CLCN2: variants seen among roughly 807,000 people sequenced by gnomAD.
CLCN2 encodes chloride voltage-gated channel 2.
In CLCN2, 72 loss-of-function variants were observed where a neutral mutation model predicts 108.3. That is an observed-to-expected ratio of 0.66 (90% CI 0.55 to 0.81). The LOEUF is 0.81. Ranked by LOEUF, CLCN2 falls within the 30% of genes least tolerant of loss-of-function variation. The pLI is 0.00. For synonymous variants in CLCN2, 471 were observed against 467.1 expected, an observed-to-expected ratio of 1.01 and a Z score of -0.11; for missense variants, 1,048 against 1,205.2, an observed-to-expected ratio of 0.87 and a Z score of 1.93.
rs559939332 is a variant in CLCN2 at position 184,349,201 on chromosome 3, A to C, written c.2416-2180T>G. 6.9e-4 allele frequency: 105 copies of C among 152,134 alleles called. 1 individual carries two copies. The highest frequency in any genetic ancestry group is 2.3e-3 in the African/African-American group (97 of 41,494). 9.4% of individuals were successfully genotyped at this position (152,134 alleles called of 1,614,324 possible). On this transcript the variant is annotated intron_variant, in intron 22 of 23. Transcript: ENST00000265593. Reference sequence around the variant, plus strand: ...TAAACAATTTTTTTTAGTTAAAAAAATTTTCTGGGCCGGGCGCAGTGGCTC... The same window carrying C: ...TAAACAATTTTTTTTAGTTAAAAAACTTTTCTGGGCCGGGCGCAGTGGCTC...
At chr3:184,352,563 G>T in intron 19 of CLCN2, 67 bp from the exon 20 acceptor site, 1 of 1,545,436 alleles carries the variant, frequency 6.5e-7, no homozygotes, top group East Asian at 2.3e-5. Context: ...GGGAGGTGAG[G>T]GGAAGTGGTG....
chr3:184,354,413 T>C (rs1415075775), intron 14 of CLCN2, 99 bp from the exon 15 acceptor site: 1 of 1,364,828 alleles, frequency 7.3e-7, no homozygotes, highest in Non-Finnish European at 1.0e-6. Context: ...GGCTGCCCAA[T>C]ACAGTCCTGG....
At chr3:184,358,617 G>A (rs1711582045) in intron 3 of CLCN2, 65 bp downstream of exon 3, 9 of 1,542,078 alleles carry the variant, frequency 5.8e-6, no homozygotes, top group Admixed American at 2.0e-5. Context: ...TCCATGTCTA[G>A]ACGAGTGTGG....
chr3:184,357,924 A>C, intron 5 of CLCN2, 38 bp downstream of exon 5: 2 of 1,613,730 alleles, frequency 1.2e-6, no homozygotes, highest in Non-Finnish European at 1.7e-6. Context: ...CTCCTCTTCC[A>C]CCAGGAGGGA....
At chr3:184,354,502 G>A (rs371299744) in intron 14 of CLCN2, 46 bp downstream of exon 14, 66 of 1,500,374 alleles carry the variant, frequency 4.4e-5, no homozygotes, top group South Asian at 6.8e-5. Flanking sequence ...TGGCTGGGGC[G>A]TGGGTGGGGG....
chr3:184,351,347 C>T (rs1224095231), intron 22 of CLCN2, among the ~76,000 whole-genome samples: 1 of 152,282 alleles, frequency 6.6e-6, no homozygotes, highest in Non-Finnish European at 1.5e-5. Flanking sequence ...CCTTAGGAGT[C>T]CTGGACGCAG....
Position 184,357,024 on chromosome 3 carries a change from G to C in CLCN2, c.1054C>G (p.Gln352Glu), listed in dbSNP as rs1366529593. 6.2e-7 allele frequency: 1 copy of C among 1,613,740 alleles called. No homozygotes were observed. The highest frequency in any genetic ancestry group is 8.5e-7 in the Non-Finnish European group (1 of 1,179,930). Reference protein sequence around the residue: ...NRKIVQVMRKQKTINRFLMRK... With the variant: ...NRKIVQVMRKEKTINRFLMRK... Reference sequence around the variant, plus strand: ...ATGAGGAAGCGATTGATGGTTTTCTGCTTCCGCATCACCTGGACAATCTTC... The same window carrying C: ...ATGAGGAAGCGATTGATGGTTTTCTCCTTCCGCATCACCTGGACAATCTTC... Residue 352 changes from glutamine (Q) to glutamate (E), a missense_variant, in exon 10 of 24, where the codon CAG becomes GAG. Transcript: ENST00000265593.
In CLCN2 at chr3:184,353,759, C is replaced by T; in HGVS notation, c.1758G>A (p.Arg586=). The T allele has an allele frequency of 6.2e-7, 1 of 1,607,012 alleles. No homozygotes were observed. The highest frequency in any genetic ancestry group is 8.5e-7 in the Non-Finnish European group (1 of 1,177,336). Residue 586 remains arginine (R), a synonymous_variant, in exon 16 of 24, where the codon CGG becomes CGA. Coordinates refer to ENST00000265593, the MANE Select transcript of CLCN2 (RefSeq NM_004366.6). ...YRVRVEDIMV[R]DVPHVALSCT... is the part of the protein sequence containing the mutation. ...AGCTGAGGGCCACATGGGGAACATC[C>T]CGCACCATGATGTCCTCCACACGCA...
At chr3:184,354,846 G>C in intron 13 of CLCN2, 58 bp downstream of exon 13, 1 of 1,567,326 alleles carries the variant, frequency 6.4e-7, no homozygotes. Flanking sequence ...GTTGGCTGGG[G>C]GGGTGGCCAG....
At position 184,355,378 on chromosome 3, in the gene CLCN2, A is replaced by C; in HGVS notation, c.1322T>G (p.Met441Arg). ...GTGTACACGTGAGGAGCCCACCTTC[A>C]TGAGAATGAAGATGACCAGGGTGAG... ...VFLTLVIFIL[M>R]KFWMSALATT... Residue 441 changes from methionine (M) to arginine (R), a missense_variant, in exon 12 of 24, where the codon ATG becomes AGG. Transcript: ENST00000265593. This position sits in a 1 kb window ranked among gnomAD's most constrained non-coding sequence, Gnocchi z 6.3. 2 of 1,613,882 alleles carry C rather than the reference A, an allele frequency of 1.2e-6. No individual in the cohort carries two copies. Among genetic ancestry groups the C allele is most frequent in the Non-Finnish European group, 1.7e-6 (2 of 1,180,012 alleles).
chr3:184,356,710 C>T (rs1169616485), intron 10 of CLCN2: 1 of 457,876 alleles, frequency 2.2e-6, no homozygotes, highest in African/African-American at 2.0e-5. Flanking sequence ...CTCAAACACT[C>T]TCCAGGGAGC....
chr3:184,353,344 C>T lies in CLCN2; in HGVS notation c.1934G>A (p.Arg645Gln), dbSNP rs375401465. 72 of 1,608,490 alleles carry T rather than the reference C, an allele frequency of 4.5e-5. No individual in the cohort carries two copies. The highest frequency in any genetic ancestry group is 3.3e-4 in the Middle Eastern group (2 of 6,084). Residue 645 changes from arginine to glutamine, a missense_variant, in exon 17 of 24, where the codon CGG becomes CAG. Transcript: ENST00000265593. ...LLGAQLSPAR[R>Q]RQHMQERRAT... ...TCTGCGCTCCTGCATGTGCTGCCGC[C>T]GGCGGGCTGGGCTCAGCTGGGCCCC...
chr3:184,354,376 AG>A, intron 14 of CLCN2, 62 bp from the exon 15 acceptor site: 1 of 1,546,742 alleles, frequency 6.5e-7, no homozygotes, highest in Non-Finnish European at 8.9e-7. Context: ...CTCCACAACC[AG>A]GGCAGGTCCT....
At chr3:184,354,433 T>C in intron 14 of CLCN2, 115 bp downstream of exon 14, 1 of 1,309,814 alleles carries the variant, frequency 7.6e-7, no homozygotes. Context: ...GGATTGGACC[T>C]GTGCATCTGA....
Position 184,355,309 on chromosome 3 carries a change from T to C in CLCN2, c.1326+65A>G, listed in dbSNP as rs780597298. ...TGGAGAGGCTTCGAGGAGTGAGCAC[T>C]GCGTGGCAGGTGCTTAGAAGGGCAA... On this transcript the variant is annotated intron_variant, in intron 12 of 23. Transcript: ENST00000265593. This position sits in a 1 kb window ranked among gnomAD's most constrained non-coding sequence, Gnocchi z 6.3. 3.0e-5 allele frequency: 46 copies of C among 1,542,964 alleles called. No individual in the cohort carries two copies. The highest frequency in any genetic ancestry group is 4.0e-5 in the Non-Finnish European group (45 of 1,116,450).
Position 184,359,057 on chromosome 3 carries a change from A to G in CLCN2, c.138T>C (p.Pro46=). 1 of 1,613,682 alleles carries G rather than the reference A, an allele frequency of 6.2e-7. No homozygotes were observed. Among genetic ancestry groups the G allele is most frequent in the Non-Finnish European group, 8.5e-7 (1 of 1,180,040 alleles). The change falls in exon 2 of 24, where the codon CCT becomes CCC. Residue 46 remains proline (P), a synonymous_variant. Transcript: ENST00000265593. ...EEAARIRLGG[P]EPWKGPPSSR... is the part of the protein sequence containing the mutation. ...AGGAAGGGGGACCTTTCCAGGGTTC[A>G]GGCCCTCCCAGGCGAATCCGAGCAG...
chr3:184,355,554 C>T lies in CLCN2; in HGVS notation c.1171-25G>A. On this transcript the variant is annotated intron_variant, in intron 11 of 23. Transcript: ENST00000265593. This position sits in a 1 kb window ranked among gnomAD's most constrained non-coding sequence, Gnocchi z 6.3. ...GCTAGAGTGAACAGGGTGCCTCAGG[C>T]TGGGAAACCGACAGGATGAAGGGAA... 6.2e-7 allele frequency: 1 copy of T among 1,614,004 alleles called. No individual in the cohort carries two copies. The highest frequency in any genetic ancestry group is 8.5e-7 in the Non-Finnish European group (1 of 1,179,978).
At chr3:184,359,579 C>A (rs538440711) in intron 1 of CLCN2, among the ~76,000 whole-genome samples, 1 of 152,224 alleles carries the variant, frequency 6.6e-6, no homozygotes, top group East Asian at 1.9e-4. Flanking sequence ...CAGGAGCAGG[C>A]GCAGCCCCAA....
chr3:184,346,896 T>C lies in CLCN2; in HGVS notation c.2502+39A>G, dbSNP rs756276561. On this transcript the variant is annotated intron_variant, in intron 23 of 23. Transcript: ENST00000265593. This position sits in a 1 kb window ranked among gnomAD's most constrained non-coding sequence, Gnocchi z 6.0. ...GCTGGACATAAGCCTCCATGACTTT[T>C]TGGAAGTGGAGCAGCTTTGGAGGCC... The C allele has an allele frequency of 6.2e-7, 1 of 1,611,874 alleles. No homozygotes were observed. The highest frequency in any genetic ancestry group is 1.1e-5 in the South Asian group (1 of 91,036).
Sources: allele counts gnomAD v4.1 joint callset (sites outside exome capture counted in the v4.1 genomes callset), GRCh38; gene constraint gnomAD v4.1.1; non-coding constraint Gnocchi (gnomAD v3.1); transcripts MANE v1.5; gene names NCBI Gene and HGNC (gene_info 2026-07-23, HGNC 2026-07-21).